Variants in SEMA3D observed in about 807,000 individuals in gnomAD.
SEMA3D encodes the protein semaphorin 3D.
A neutral mutation model predicts 100.1 loss-of-function variants in SEMA3D; 84 were observed. That is an observed-to-expected ratio of 0.84 (90% CI 0.70 to 1.01). The LOEUF is 1.01. Ranked by LOEUF, SEMA3D falls within the 50% of genes least tolerant of loss-of-function variation. The pLI is 0.00. For missense variants in SEMA3D, 875 were observed against 934.1 expected (o/e 0.94, Z 0.82); for synonymous variants, 312 against 320.7 (o/e 0.97, Z 0.29).
At chr7:85,204,951 A>G in the SEMA3D span, among the ~76,000 whole-genome samples, 2 of 152,124 alleles carry the variant, frequency 1.3e-5, no homozygotes, top group East Asian at 3.9e-4. Context: ...ATTAAAGCAT[A>G]TAAGTTTTCT....
chr7:85,105,659 T>C (rs969730894), intron 3 of SEMA3D, among the ~76,000 whole-genome samples: 4 of 152,108 alleles, frequency 2.6e-5, no homozygotes, highest in Admixed American at 6.6e-5. Flanking sequence ...ACACTAACCA[T>C]TATTTCCTTG....
chr7:85,160,235 A>G (rs1184299557), intron 1 of SEMA3D, among the ~76,000 whole-genome samples: 1 of 152,146 alleles, frequency 6.6e-6, no homozygotes, highest in Non-Finnish European at 1.5e-5. Context: ...AACGAAATTG[A>G]TATGGTTAAG....
At chr7:85,166,576 T>C (rs1421733970) in intron 1 of SEMA3D, among the ~76,000 whole-genome samples, 1 of 152,034 alleles carries the variant, frequency 6.6e-6, no homozygotes, top group Non-Finnish European at 1.5e-5. Flanking sequence ...ATTTATTAAA[T>C]ACTCTTAACA....
intron 1 of SEMA3D, among the ~76,000 whole-genome samples, chr7:85,177,295 A>G (rs1791263468): frequency 6.6e-6 from 1 of 152,174 alleles, no homozygotes; most frequent in Non-Finnish European, 1.5e-5. Flanking sequence ...TTTAGCTTCT[A>G]AAAGTTATTT....
chr7:85,115,496 T>C (rs989485617), intron 3 of SEMA3D, among the ~76,000 whole-genome samples: 3 of 152,238 alleles, frequency 2.0e-5, no homozygotes, highest in African/African-American at 7.2e-5. Flanking sequence ...GTTTCTGTGA[T>C]ATTCACTGTA....
At chr7:85,048,625 C>T (rs1203054069) in intron 9 of SEMA3D, among the ~76,000 whole-genome samples, 1 of 151,806 alleles carries the variant, frequency 6.6e-6, no homozygotes, top group South Asian at 2.1e-4. Flanking sequence ...GTTGAACTAC[C>T]CTTTTTAGCC....
chr7:85,042,117 T>G (rs1319589679), intron 10 of SEMA3D, 54 bp downstream of exon 10: 3 of 1,190,876 alleles, frequency 2.5e-6, no homozygotes, highest in Non-Finnish European at 3.7e-6. Flanking sequence ...AAATGCCAAG[T>G]TACTTAATTA....
intron 12 of SEMA3D, among the ~76,000 whole-genome samples, chr7:85,033,170 T>C (rs1042292334): frequency 2.0e-5 from 3 of 152,162 alleles, no homozygotes; most frequent in African/African-American, 7.2e-5. Context: ...ATTTGCTAAA[T>C]AATTTTGAAC....
At chr7:85,169,389 T>C (rs1029251074) in intron 1 of SEMA3D, among the ~76,000 whole-genome samples, 1 of 151,892 alleles carries the variant, frequency 6.6e-6, no homozygotes, top group Non-Finnish European at 1.5e-5. Context: ...TAACAGGTTG[T>C]CTGCTACTTT....
At chr7:85,040,218 C>A (rs1790818770) in intron 11 of SEMA3D, among the ~76,000 whole-genome samples, 1 of 151,826 alleles carries the variant, frequency 6.6e-6, no homozygotes, top group Non-Finnish European at 1.5e-5. Context: ...GGGCTCAAGC[C>A]ATCCTCCCCT....
intron 3 of SEMA3D, among the ~76,000 whole-genome samples, chr7:85,105,744 T>A (rs535585789): frequency 1.3e-5 from 2 of 152,202 alleles, no homozygotes; most frequent in South Asian, 4.1e-4. Context: ...ATGTTATAGA[T>A]CATTCTGTTC....
chr7:85,243,728 G>A, the SEMA3D span, among the ~76,000 whole-genome samples: 11 of 152,044 alleles, frequency 7.2e-5, no homozygotes, highest in South Asian at 4.1e-4. Context: ...TGAAGTCTAC[G>A]GAATGTTTTT....
At chr7:85,247,853 A>G in the SEMA3D span, among the ~76,000 whole-genome samples, 1 of 152,098 alleles carries the variant, frequency 6.6e-6, no homozygotes, top group African/African-American at 2.4e-5. Context: ...GAAACAAGAA[A>G]ATGAATCTAG....
the SEMA3D span, among the ~76,000 whole-genome samples, chr7:85,220,873 T>C: frequency 6.6e-6 from 1 of 152,120 alleles, no homozygotes; most frequent in Non-Finnish European, 1.5e-5. Context: ...GGGCCTGGCC[T>C]GGGCCCAACT....
chr7:85,046,876 C>T (rs190328983), intron 9 of SEMA3D, among the ~76,000 whole-genome samples: 1 of 151,916 alleles, frequency 6.6e-6, no homozygotes, highest in Non-Finnish European at 1.5e-5. Flanking sequence ...AACCATCTCA[C>T]GAACACAATA....
At chr7:85,237,221 C>G in the SEMA3D span, among the ~76,000 whole-genome samples, 2 of 152,304 alleles carry the variant, frequency 1.3e-5, no homozygotes, top group Non-Finnish European at 2.9e-5. Context: ...AACACCACAA[C>G]CTTCCTCACT....
chr7:85,004,870 CT>C (rs1468949334), intron 18 of SEMA3D, among the ~76,000 whole-genome samples: 1 of 151,908 alleles, frequency 6.6e-6, no homozygotes, highest in African/African-American at 2.4e-5. Context: ...AAAGATACTT[CT>C]TTTAAGTAAA....
chr7:85,041,268 C>T (rs1427473966), intron 10 of SEMA3D: 4 of 152,042 alleles, frequency 2.6e-5, no homozygotes, highest in African/African-American at 9.7e-5. Context: ...GCCATGTTGG[C>T]CAGGCTGGTC....
intron 2 of SEMA3D, among the ~76,000 whole-genome samples, chr7:85,150,653 T>G (rs1790354557): frequency 6.6e-6 from 1 of 151,782 alleles, no homozygotes; most frequent in Admixed American, 6.6e-5. Context: ...AATGTTCATT[T>G]TAACTCCTTT....
Sources: gnomAD v4.1 joint callset for allele counts (sites outside exome capture counted in the v4.1 genomes callset) on GRCh38, gnomAD v4.1.1 for gene constraint, MANE v1.5 for transcripts, NCBI Gene and HGNC (gene_info 2026-07-23, HGNC 2026-07-21) for gene names.